Variants in TNNI3K observed in about 807,000 individuals in gnomAD.
TNNI3K encodes the protein serine/threonine-protein kinase TNNI3K.
In TNNI3K, 140 loss-of-function variants were observed where a neutral mutation model predicts 114.5. The observed-to-expected ratio is 1.22, with a 90% CI of 1.07 to 1.41. The LOEUF is 1.41. Ranked by LOEUF, TNNI3K falls within the 40% of genes most tolerant of loss-of-function variation. TNNI3K has a pLI of 0.00. For synonymous variants in TNNI3K, 347 were observed against 347.5 expected, an observed-to-expected ratio of 1.00 and a Z score of 0.02; for missense variants, 1,125 against 1,007.6, an observed-to-expected ratio of 1.12 and a Z score of -1.58.
At chr1:74,423,705 A>G (rs905631297) in intron 17 of TNNI3K, among the ~76,000 whole-genome samples, 1 of 152,146 alleles carries the variant, frequency 6.6e-6, no homozygotes, top group Non-Finnish European at 1.5e-5. Context: ...TTAGTCACAC[A>G]TCACATATTC....
At chr1:74,369,163 C>G in intron 14 of TNNI3K, 44 bp from the exon 15 acceptor site, 13 of 1,601,138 alleles carry the variant, frequency 8.1e-6, no homozygotes, top group Non-Finnish European at 1.1e-5. Flanking sequence ...GTTGAATGAG[C>G]TTAAGTTAAT....
intron 7 of TNNI3K, among the ~76,000 whole-genome samples, chr1:74,337,858 T>C (rs918343240): frequency 1.3e-5 from 2 of 152,126 alleles, no homozygotes; most frequent in Non-Finnish European, 2.9e-5. Flanking sequence ...TGGACATATA[T>C]CCATGTTGTT....
chr1:74,461,034 G>A (rs1286362910), intron 20 of TNNI3K, among the ~76,000 whole-genome samples: 1 of 152,068 alleles, frequency 6.6e-6, no homozygotes, highest in Non-Finnish European at 1.5e-5. Context: ...TATTTTAAAT[G>A]TGCTCACCAT....
At chr1:74,286,624 G>A (rs1034992208) in intron 5 of TNNI3K, among the ~76,000 whole-genome samples, 2 of 151,550 alleles carry the variant, frequency 1.3e-5, no homozygotes, top group Non-Finnish European at 2.9e-5. Flanking sequence ...TGTGGACTTA[G>A]GCACTAGGCC....
intron 7 of TNNI3K, chr1:74,341,704 A>G (rs2100441584): frequency 6.6e-6 from 1 of 152,268 alleles, no homozygotes. Context: ...AAATTCTCAC[A>G]GTGAGGAACA....
intron 7 of TNNI3K, among the ~76,000 whole-genome samples, chr1:74,337,859 C>G (rs929791668): frequency 1.2e-4 from 18 of 151,984 alleles, no homozygotes; most frequent in Non-Finnish European, 2.6e-4. Context: ...GGACATATAT[C>G]CATGTTGTTG....
intron 5 of TNNI3K, among the ~76,000 whole-genome samples, chr1:74,296,033 T>C (rs758150813): frequency 6.6e-6 from 1 of 152,164 alleles, no homozygotes; most frequent in Admixed American, 6.5e-5. Context: ...CCCAGCAGTT[T>C]GGGAGTCCAA....
At chr1:74,317,679 CTCCT>C (rs1659388099) in intron 5 of TNNI3K, among the ~76,000 whole-genome samples, 1 of 152,178 alleles carries the variant, frequency 6.6e-6, no homozygotes, top group South Asian at 2.1e-4. Context: ...CTTCAGGACA[CTCCT>C]GCTTTATGTC....
chr1:74,441,609 G>A lies in TNNI3K; in HGVS notation c.2011+1987G>A, dbSNP rs568198491. Reference sequence around the variant, plus strand: ...CCATTATGAATTTCCAACAGTAGTCGGTGAGAATTTCAGTTGTTTCACGTC... The same window carrying A: ...CCATTATGAATTTCCAACAGTAGTCAGTGAGAATTTCAGTTGTTTCACGTC... On this transcript the variant is annotated intron_variant, in intron 20 of 24. Transcript: ENST00000326637. Among the ~76,000 whole-genome samples, 204 of 152,092 alleles carry A rather than the reference G, an allele frequency of 1.3e-3. 1 individual carries two copies. Among genetic ancestry groups the A allele is most frequent in the African/African-American group, 4.6e-3 (193 of 41,508 alleles).
At chr1:74,409,200 C>T (rs1664761986) in intron 17 of TNNI3K, among the ~76,000 whole-genome samples, 1 of 152,008 alleles carries the variant, frequency 6.6e-6, no homozygotes, top group Non-Finnish European at 1.5e-5. Context: ...ATATTAATTG[C>T]CCAAGGTCAT....
In TNNI3K at chr1:74,459,740, A is replaced by G. The variant is rs540706499; in HGVS notation, c.2012-3701A>G. Among the ~76,000 whole-genome samples, 7 of 152,324 alleles carry G rather than the reference A, an allele frequency of 4.6e-5. No individual in the cohort carries two copies. The South Asian group carries it at 8.3e-4, about 18-fold the overall frequency. Reference sequence around the variant, plus strand: ...CTGTTCTGTAGCTTTTCACTGGTCTATCACTTTTGAGAAACAACATACACA... The same window carrying G: ...CTGTTCTGTAGCTTTTCACTGGTCTGTCACTTTTGAGAAACAACATACACA... On this transcript the variant is annotated intron_variant, in intron 20 of 24. Transcript: ENST00000326637.
chr1:74,435,726 G>A (rs915827245), intron 17 of TNNI3K, among the ~76,000 whole-genome samples: 2 of 151,782 alleles, frequency 1.3e-5, no homozygotes, highest in African/African-American at 2.4e-5. Flanking sequence ...ACTCTAATAC[G>A]CCCATGATGC....
chr1:74,348,776 C>T (rs1661163470), intron 9 of TNNI3K, among the ~76,000 whole-genome samples: 1 of 152,134 alleles, frequency 6.6e-6, no homozygotes, highest in African/African-American at 2.4e-5. Flanking sequence ...TGGGAGTTCA[C>T]TCATGATTTG....
intron 20 of TNNI3K, among the ~76,000 whole-genome samples, chr1:74,441,928 A>T (rs1478850882): frequency 1.3e-5 from 2 of 152,096 alleles, no homozygotes; most frequent in Non-Finnish European, 2.9e-5. Flanking sequence ...TTGTATTCTC[A>T]GCAATGTCTT....
intron 17 of TNNI3K, among the ~76,000 whole-genome samples, chr1:74,400,511 G>A (rs1204838327): frequency 6.6e-6 from 1 of 152,198 alleles, no homozygotes; most frequent in Non-Finnish European, 1.5e-5. Flanking sequence ...CCCTAGGATA[G>A]TATATCAATC....
intron 20 of TNNI3K, among the ~76,000 whole-genome samples, chr1:74,451,686 T>TC (rs1553148033): frequency 1.0e-4 from 7 of 68,508 alleles, no homozygotes; most frequent in Non-Finnish European, 2.2e-4. Context: ...TCTTTTCTTT[T>TC]CTTTCTTTCT....
chr1:74,491,887 C>G (rs2100303525), intron 22 of TNNI3K, among the ~76,000 whole-genome samples: 1 of 152,262 alleles, frequency 6.6e-6, no homozygotes, highest in Middle Eastern at 3.4e-3. Context: ...CAGGCCAGCT[C>G]TCAGCACAGA....
chr1:74,540,397 G>A (rs932116671), intron 24 of TNNI3K, 84 bp downstream of exon 24: 4 of 1,264,298 alleles, frequency 3.2e-6, no homozygotes, highest in African/African-American at 1.5e-5. Context: ...AGAAAGCATT[G>A]CATATTGTAA....
At chr1:74,386,377 G>T (rs1173472609) in intron 17 of TNNI3K, among the ~76,000 whole-genome samples, 1 of 151,880 alleles carries the variant, frequency 6.6e-6, no homozygotes, top group East Asian at 1.9e-4. Flanking sequence ...TCAGAGTAAT[G>T]TGTTACTAGA....
Sources: allele counts gnomAD v4.1 joint callset (sites outside exome capture counted in the v4.1 genomes callset), GRCh38; gene constraint gnomAD v4.1.1; transcripts MANE v1.5; gene names NCBI Gene and HGNC (gene_info 2026-07-23, HGNC 2026-07-21).